Variants in SPAG16 observed in about 807,000 individuals in gnomAD.
The protein encoded by SPAG16 is sperm-associated antigen 16 protein.
SPAG16 carries 86 observed loss-of-function variants against 80.4 expected under a neutral mutation model. That is an observed-to-expected ratio of 1.07 (90% CI 0.90 to 1.28). SPAG16 has a LOEUF of 1.28. SPAG16 is among the 50% of genes most tolerant of loss of function. SPAG16 has a pLI of 0.00. For missense variants in SPAG16, 870 were observed against 765.3 expected (o/e 1.14, Z -1.61); for synonymous variants, 294 against 265.9 (o/e 1.11, Z -1.03).
At chr2:214,337,418 T>C (rs1426864603) in intron 15 of SPAG16, among the ~76,000 whole-genome samples, 1 of 152,234 alleles carries the variant, frequency 6.6e-6, no homozygotes, top group Non-Finnish European at 1.5e-5. Context: ...TTTCATTATT[T>C]TCTTGCAGAT....
At chr2:213,671,408 C>T (rs1191003860) in intron 10 of SPAG16, among the ~76,000 whole-genome samples, 1 of 152,114 alleles carries the variant, frequency 6.6e-6, no homozygotes, top group Non-Finnish European at 1.5e-5. Flanking sequence ...TAAGAACTCT[C>T]AGAGTAAGGA....
intron 15 of SPAG16, among the ~76,000 whole-genome samples, chr2:214,153,478 G>A (rs2056076367): frequency 6.6e-6 from 1 of 151,930 alleles, no homozygotes; most frequent in South Asian, 2.1e-4. Flanking sequence ...TATTATTCTG[G>A]AACAGCTCGT....
intron 10 of SPAG16, among the ~76,000 whole-genome samples, chr2:213,709,649 G>A (rs748192574): frequency 1.3e-5 from 2 of 151,860 alleles, no homozygotes; most frequent in Non-Finnish European, 2.9e-5. Flanking sequence ...TTTTTTTCAA[G>A]TATACAGGTA....
At chr2:214,306,233 T>A (rs1036693178) in intron 15 of SPAG16, among the ~76,000 whole-genome samples, 10 of 152,216 alleles carry the variant, frequency 6.6e-5, no homozygotes, top group African/African-American at 2.4e-4. Context: ...TTGGGCATCC[T>A]GAGACTTTGC....
intron 15 of SPAG16, among the ~76,000 whole-genome samples, chr2:214,320,385 G>A (rs190631942): frequency 2.2e-4 from 34 of 152,238 alleles, no homozygotes; most frequent in Admixed American, 5.9e-4. Context: ...TCTTCACATA[G>A]CATGTACCAT....
At chr2:213,453,341 G>A (rs946253578) in intron 9 of SPAG16, among the ~76,000 whole-genome samples, 30 of 152,056 alleles carry the variant, frequency 2.0e-4, no homozygotes, top group African/African-American at 5.8e-4. Context: ...GAGAGAGCTG[G>A]GATTTGAAAT....
At chr2:213,835,318 A>C (rs908217638) in intron 10 of SPAG16, among the ~76,000 whole-genome samples, 1 of 152,186 alleles carries the variant, frequency 6.6e-6, no homozygotes, top group Non-Finnish European at 1.5e-5. Context: ...ACAGAGTTCC[A>C]TGTAAGTTAC....
chr2:213,446,388 A>G (rs552307785), intron 9 of SPAG16, among the ~76,000 whole-genome samples: 61 of 152,220 alleles, frequency 4.0e-4, no homozygotes, highest in Non-Finnish European at 4.1e-4. Context: ...CCATTTTAAG[A>G]AAGAGCCAAA....
At chr2:213,956,446 CTTTT>C (rs755475252) in intron 12 of SPAG16, among the ~76,000 whole-genome samples, 27 of 113,042 alleles carry the variant, frequency 2.4e-4, no homozygotes, top group Admixed American at 4.0e-4. Context: ...ATTTTTTTTC[CTTTT>C]TTTTTTTTTT....
Position 213,900,517 on chromosome 2 carries a change from T to C in SPAG16, c.1215-29443T>C, listed in dbSNP as rs111819041. 3.6e-3 allele frequency among the ~76,000 whole-genome samples: 542 copies of C among 152,296 alleles called. 4 individuals carry two copies. Among genetic ancestry groups the C allele is most frequent in the Middle Eastern group, 0.01 (3 of 294 alleles). On this transcript the variant is annotated intron_variant, in intron 11 of 15. Transcript: ENST00000331683. ...GGTCTTCATCATGCCCCTGGAGTTA[T>C]TCTAAAATTAATACACGATTATTTT...
Position 214,035,030 on chromosome 2 carries a change from A to T in SPAG16, c.1527+20953A>T, listed in dbSNP as rs543988316. ...AGGTGAAAAGGAGCTTTATTGTGTGATGTAACAGCTCAGAGGAGACACGCA... is the reference window on the plus strand; with the variant it reads ...AGGTGAAAAGGAGCTTTATTGTGTGTTGTAACAGCTCAGAGGAGACACGCA... On this transcript the variant is annotated intron_variant, in intron 13 of 15. Transcript: ENST00000331683. 3.3e-5 allele frequency among the ~76,000 whole-genome samples: 5 copies of T among 152,200 alleles called. No homozygotes were observed. The South Asian group carries it at 1.0e-3, about 32-fold the overall frequency.
intron 10 of SPAG16, among the ~76,000 whole-genome samples, chr2:213,728,322 C>A (rs1330870342): frequency 6.6e-6 from 1 of 152,144 alleles, no homozygotes; most frequent in African/African-American, 2.4e-5. Flanking sequence ...GTGTCTACTG[C>A]CTCCTTCTAC....
intron 10 of SPAG16, among the ~76,000 whole-genome samples, chr2:213,793,458 T>G (rs2070830901): frequency 6.6e-6 from 1 of 152,162 alleles, no homozygotes; most frequent in African/African-American, 2.4e-5. Context: ...TTACTCTGAA[T>G]AAATAAATTG....
At chr2:213,381,662 T>G (rs908195387) in intron 9 of SPAG16, among the ~76,000 whole-genome samples, 2 of 152,200 alleles carry the variant, frequency 1.3e-5, no homozygotes, top group Non-Finnish European at 2.9e-5. Flanking sequence ...ATTGAAAACC[T>G]GTTTTGCAGT....
rs2062624210 is a variant in SPAG16, at chr2:213,642,351, C to G, written c.1070+152261C>G. 3.3e-5 allele frequency among the ~76,000 whole-genome samples: 5 copies of G among 152,266 alleles called. No individual in the cohort carries two copies. The South Asian group carries it at 1.0e-3, about 32-fold the overall frequency. ...TGGGAGCTACAAGTTAGTCTTGTCT[C>G]CTATCGGCAAGTTTTTTCATCACCA... On this transcript the variant is annotated intron_variant, in intron 10 of 15. Transcript: ENST00000331683.
chr2:214,234,963 T>G (rs1688975708), intron 15 of SPAG16, among the ~76,000 whole-genome samples: 1 of 152,134 alleles, frequency 6.6e-6, no homozygotes, highest in Admixed American at 6.6e-5. Context: ...TATCAACTAA[T>G]GATTATGCAC....
At chr2:214,182,438 A>C (rs1208839593) in intron 15 of SPAG16, among the ~76,000 whole-genome samples, 1 of 151,868 alleles carries the variant, frequency 6.6e-6, no homozygotes, top group Non-Finnish European at 1.5e-5. Context: ...TGCGTTACAC[A>C]ACTAAGATTA....
intron 10 of SPAG16, among the ~76,000 whole-genome samples, chr2:213,608,149 TGATA>T (rs769831061): frequency 2.0e-5 from 3 of 152,134 alleles, no homozygotes; most frequent in Non-Finnish European, 4.4e-5. Context: ...TTCACAACCA[TGATA>T]GATATTATAC....
At chr2:213,993,970 A>C (rs1468063185) in intron 12 of SPAG16, among the ~76,000 whole-genome samples, 1 of 152,190 alleles carries the variant, frequency 6.6e-6, no homozygotes, top group Admixed American at 6.6e-5. Flanking sequence ...CACACATGAG[A>C]GGTAAAAAGC....
Sources: gnomAD v4.1 joint callset for allele counts (sites outside exome capture counted in the v4.1 genomes callset) on GRCh38, gnomAD v4.1.1 for gene constraint, MANE v1.5 for transcripts, NCBI Gene and HGNC (gene_info 2026-07-23, HGNC 2026-07-21) for gene names.